Variants in RBM19 observed in about 807,000 individuals in gnomAD.
RBM19 encodes RNA binding motif protein 19.
In RBM19, 94 loss-of-function variants were observed where a neutral mutation model predicts 116.8. The observed-to-expected ratio is 0.80, with a 90% CI of 0.68 to 0.95. The LOEUF (loss-of-function observed/expected upper bound fraction) is 0.95, where lower values mean the gene tolerates loss of function less well. Ranked by LOEUF, RBM19 falls within the 40% of genes least tolerant of loss-of-function variation. The pLI is 0.00. For missense variants in RBM19, 1,161 were observed against 1,220.7 expected (o/e 0.95, Z 0.73); for synonymous variants, 475 against 494.1 (o/e 0.96, Z 0.51).
chr12:113,960,238 C>T, intron 2 of RBM19, 60 bp from the exon 3 acceptor site: 1 of 1,607,738 alleles, frequency 6.2e-7, no homozygotes, highest in East Asian at 2.2e-5. Context: ...TGGGTGCTGC[C>T]CTTCGGCACC....
At chr12:113,832,163 C>T (rs750973835) in intron 23 of RBM19, among the ~76,000 whole-genome samples, 5 of 152,062 alleles carry the variant, frequency 3.3e-5, no homozygotes, top group Non-Finnish European at 5.9e-5. Flanking sequence ...AAACACACTA[C>T]CCTGAACACA....
intron 21 of RBM19, among the ~76,000 whole-genome samples, chr12:113,905,825 G>C (rs1882004465): frequency 6.6e-6 from 1 of 152,194 alleles, no homozygotes; most frequent in Non-Finnish European, 1.5e-5. Context: ...AGAGACAATA[G>C]ATATCCAAAT....
At chr12:113,836,628 G>A (rs570015476) in intron 23 of RBM19, among the ~76,000 whole-genome samples, 15 of 152,104 alleles carry the variant, frequency 9.9e-5, no homozygotes, top group East Asian at 5.8e-4. Flanking sequence ...AGGACATTAC[G>A]GTTGCTGCTT....
In RBM19 at chr12:113,882,859, A is replaced by C. The variant is rs531859274; in HGVS notation, c.2559-23963T>G. Among the ~76,000 whole-genome samples, 16 of 152,364 alleles carry C rather than the reference A, an allele frequency of 1.1e-4. No individual in the cohort carries two copies. The East Asian group carries it at 2.3e-3, about 22-fold the overall frequency. On this transcript the variant is annotated intron_variant, in intron 21 of 23. Coordinates refer to ENST00000261741, the MANE Select transcript of RBM19 (RefSeq NM_016196.4). ...GAGCCACTAAGAGTCCAGAGATACAAGAGTTCAAGCCCCAGCTTTTATGCT... is the reference window on the plus strand; with the variant it reads ...GAGCCACTAAGAGTCCAGAGATACACGAGTTCAAGCCCCAGCTTTTATGCT...
intron 19 of RBM19, among the ~76,000 whole-genome samples, chr12:113,920,072 TCCCA>T (rs762261503): frequency 9.2e-5 from 14 of 152,136 alleles, no homozygotes; most frequent in Non-Finnish European, 1.8e-4. Flanking sequence ...CTAAGCTCAT[TCCCA>T]CCTTATGGCC....
intron 21 of RBM19, among the ~76,000 whole-genome samples, chr12:113,911,606 A>T (rs1882433661): frequency 6.6e-6 from 1 of 152,144 alleles, no homozygotes; most frequent in Non-Finnish European, 1.5e-5. Flanking sequence ...TCATTTGTAC[A>T]ATCTCATTTA....
At chr12:113,922,351 A>G (rs2135868534) in intron 18 of RBM19, among the ~76,000 whole-genome samples, 1 of 152,302 alleles carries the variant, frequency 6.6e-6, no homozygotes, top group African/African-American at 2.4e-5. Context: ...GATTTTCACC[A>G]AACTGTGACG....
At chr12:113,899,069 AG>A (rs1316227078) in intron 21 of RBM19, among the ~76,000 whole-genome samples, 1 of 152,254 alleles carries the variant, frequency 6.6e-6, no homozygotes, top group African/African-American at 2.4e-5. Flanking sequence ...TTACTTTAAA[AG>A]GGCTCTTTAT....
rs1870140910 is a variant in RBM19 at position 113,937,096 on chromosome 12, C to G, written c.1979G>C (p.Gly660Ala). The change falls in exon 16 of 24, where the codon GGC becomes GCC. Residue 660 changes from glycine (G) to alanine (A), a missense_variant. By Grantham distance (60) the Gly-to-Ala change is moderately conservative. Coordinates refer to ENST00000261741, the MANE Select transcript of RBM19 (RefSeq NM_016196.4). The part of the protein sequence containing the change: ...VPLYLEWAPV[G>A]VFSSTAPQKK... Reference sequence around the variant, plus strand: ...CTGTGGGGCTGTGCTGGAGAAGACGCCAACTGGAGCCCACTCCAGATAGAG... The same window carrying G: ...CTGTGGGGCTGTGCTGGAGAAGACGGCAACTGGAGCCCACTCCAGATAGAG... 1 of 1,613,938 alleles carries G rather than the reference C, an allele frequency of 6.2e-7. No individual in the cohort carries two copies.
intron 21 of RBM19, among the ~76,000 whole-genome samples, chr12:113,912,954 G>A (rs906668000): frequency 6.6e-6 from 1 of 152,078 alleles, no homozygotes; most frequent in South Asian, 2.1e-4. Flanking sequence ...TAGCAGGTAC[G>A]GCCCTCCAAG....
At chr12:113,837,637 G>C (rs1260337798) in intron 23 of RBM19, among the ~76,000 whole-genome samples, 2 of 152,202 alleles carry the variant, frequency 1.3e-5, no homozygotes, top group African/African-American at 4.8e-5. Flanking sequence ...GACACATTCA[G>C]GTAAAATGCA....
At chr12:113,837,943 A>G (rs2066181664) in intron 23 of RBM19, among the ~76,000 whole-genome samples, 1 of 152,246 alleles carries the variant, frequency 6.6e-6, no homozygotes, top group Non-Finnish European at 1.5e-5. Flanking sequence ...CCTACACACT[A>G]ATGTATTTCT....
downstream of RBM19, among the ~76,000 whole-genome samples, chr12:113,819,225 C>T (rs903381932): frequency 2.0e-5 from 3 of 152,218 alleles, no homozygotes; most frequent in African/African-American, 7.2e-5. Flanking sequence ...AACTGAGCCA[C>T]ACTCTGAACA....
intron 16 of RBM19, among the ~76,000 whole-genome samples, chr12:113,929,615 A>G (rs944257820): frequency 2.0e-5 from 3 of 152,254 alleles, no homozygotes; most frequent in Admixed American, 6.5e-5. Flanking sequence ...CAGAACTTCA[A>G]TGGAGATGAA....
At chr12:113,832,082 T>C (rs1212965244) in intron 23 of RBM19, among the ~76,000 whole-genome samples, 6 of 152,112 alleles carry the variant, frequency 3.9e-5, no homozygotes, top group African/African-American at 1.4e-4. Flanking sequence ...TGAGAAAGAG[T>C]GGGTTTCCCA....
intron 18 of RBM19, 53 bp downstream of exon 18, chr12:113,924,644 A>G: frequency 6.8e-7 from 1 of 1,460,816 alleles, no homozygotes; most frequent in Non-Finnish European, 9.6e-7. Flanking sequence ...TTCTTTTGGA[A>G]TCCACTCTTT....
At position 113,940,147 on chromosome 12, in the gene RBM19, C is replaced by T. The variant is rs141368307; in HGVS notation, c.1751G>A (p.Arg584Gln). Residue 584 changes from arginine to glutamine, a missense_variant, in exon 15 of 24, where the codon CGA becomes CAA. Arg to Gln is a conservative substitution (Grantham distance 43). Transcript: ENST00000261741. ...LDSFSQAAAE[R>Q]SKTVILVKNL... Reference sequence around the variant, plus strand: ...CTTGACCAGAATCACAGTCTTGCTTCGCTCTGCTGCAGCCTGCAAAGAGGA... The same window carrying T: ...CTTGACCAGAATCACAGTCTTGCTTTGCTCTGCTGCAGCCTGCAAAGAGGA... 2.7e-5 allele frequency: 44 copies of T among 1,613,424 alleles called. No homozygotes were observed. The highest frequency in any genetic ancestry group is 2.4e-4 in the African/African-American group (18 of 74,948).
intron 21 of RBM19, among the ~76,000 whole-genome samples, chr12:113,896,504 C>A (rs997186834): frequency 3.3e-5 from 5 of 152,238 alleles, no homozygotes; most frequent in Non-Finnish European, 5.9e-5. Flanking sequence ...GAGGCACAGA[C>A]ATTACAGTGA....
intron 6 of RBM19, among the ~76,000 whole-genome samples, 156 bp from the exon 7 acceptor site, chr12:113,955,367 T>A (rs1034547484): frequency 1.3e-5 from 2 of 151,394 alleles, no homozygotes; most frequent in Non-Finnish European, 2.9e-5. Flanking sequence ...GTGTATGGAG[T>A]CTGGCCAGAG....
Sources: gnomAD v4.1 joint callset for allele counts (sites outside exome capture counted in the v4.1 genomes callset) on GRCh38, gnomAD v4.1.1 for gene constraint, MANE v1.5 for transcripts, NCBI Gene and HGNC (gene_info 2026-07-23, HGNC 2026-07-21) for gene names.